Variants in HIPK2 observed in about 807,000 individuals in gnomAD.
The protein encoded by HIPK2 is homeodomain interacting protein kinase 2.
HIPK2 carries 27 observed loss-of-function variants against 113.7 expected under a neutral mutation model. The ratio of observed to expected loss-of-function variants is 0.24; its 90% confidence interval spans 0.17 to 0.33. HIPK2 has a LOEUF of 0.33. Among genes scored for constraint, HIPK2 ranks in the 10% least tolerant of loss-of-function variants. The pLI is 1.00. For synonymous variants in HIPK2, 631 were observed against 642.2 expected (o/e 0.98, Z 0.26); for missense variants, 1,257 against 1,588.0 (o/e 0.79, Z 3.54).
At chr7:139,625,342 T>C (rs1260416294) in intron 6 of HIPK2, among the ~76,000 whole-genome samples, 1 of 152,036 alleles carries the variant, frequency 6.6e-6, no homozygotes, top group Non-Finnish European at 1.5e-5. Flanking sequence ...AACTTGTGAG[T>C]TGTTAAACCG....
intron 2 of HIPK2, among the ~76,000 whole-genome samples, chr7:139,666,881 G>A (rs1802066432): frequency 6.6e-6 from 1 of 152,056 alleles, no homozygotes; most frequent in South Asian, 2.1e-4. Flanking sequence ...TGGCCAAAAT[G>A]GCGAAACCCG....
chr7:139,667,398 C>T (rs9769469), intron 2 of HIPK2, among the ~76,000 whole-genome samples: 58,683 of 152,008 alleles, frequency 0.39, 12,187 homozygotes, highest in East Asian at 0.54. Flanking sequence ...GGAATGAGAT[C>T]ATCAGGTAAA....
At position 139,600,559 on chromosome 7, in the gene HIPK2, T is replaced by C. The variant is rs1288206389; in HGVS notation, c.2293A>G (p.Met765Val). 11 of 1,613,954 alleles carry C rather than the reference T, an allele frequency of 6.8e-6. No individual in the cohort carries two copies. The highest frequency in any genetic ancestry group is 8.5e-6 in the Non-Finnish European group (10 of 1,179,870). ...HAHGSHYNPI[M>V]QQPALLTGHV... The stretch of plus-strand genomic sequence containing the variant: ...CCGGTCAATAGTGCAGGCTGCTGCA[T>C]GATGGGATTATAATGGCTTCCGTGA... The change falls in exon 11 of 15, where the codon ATG becomes GTG. Residue 765 changes from methionine to valine, a missense_variant. Met to Val is a conservative substitution (Grantham distance 21, BLOSUM62 1). This residue lies in a region of HIPK2 where 862 missense variants were observed against 1,004.3 expected (regional missense o/e 0.86). Transcript: ENST00000406875.
intron 8 of HIPK2, among the ~76,000 whole-genome samples, chr7:139,614,046 TC>T (rs1284599765): frequency 2.0e-5 from 3 of 152,160 alleles, no homozygotes. Context: ...AGGGACACAG[TC>T]CCTGGCAGGT....
intron 7 of HIPK2, among the ~76,000 whole-genome samples, chr7:139,618,903 C>T (rs1800146817): frequency 6.6e-6 from 1 of 152,170 alleles, no homozygotes; most frequent in African/African-American, 2.4e-5. Flanking sequence ...AAACAAATGT[C>T]TTCAAGGAGG....
chr7:139,758,395 T>A (rs969015074), intron 1 of HIPK2, among the ~76,000 whole-genome samples: 2 of 152,128 alleles, frequency 1.3e-5, no homozygotes, highest in African/African-American at 4.8e-5. Context: ...AAACAAATAA[T>A]GTTGGGACAA....
chr7:139,574,644 C>T (rs1042434551), intron 14 of HIPK2, among the ~76,000 whole-genome samples: 4 of 152,218 alleles, frequency 2.6e-5, no homozygotes, highest in Non-Finnish European at 4.4e-5. Flanking sequence ...CCCACAGAAA[C>T]TCAGGTCACT....
At chr7:139,753,760 C>T (rs1391318505) in intron 1 of HIPK2, among the ~76,000 whole-genome samples, 4 of 152,240 alleles carry the variant, frequency 2.6e-5, no homozygotes, top group East Asian at 1.9e-4. Context: ...GGCGTGCATA[C>T]ACACCAGCGG....
chr7:139,723,198 T>C (rs1263031392), intron 1 of HIPK2, among the ~76,000 whole-genome samples: 6 of 150,014 alleles, frequency 4.0e-5, no homozygotes, highest in Non-Finnish European at 7.4e-5. Flanking sequence ...TTTCTTCTTT[T>C]TTTTTTTTTT....
At chr7:139,687,974 C>T (rs1429323745) in intron 2 of HIPK2, among the ~76,000 whole-genome samples, 2 of 152,240 alleles carry the variant, frequency 1.3e-5, no homozygotes, top group African/African-American at 4.8e-5. Context: ...CCAAGATCTG[C>T]AAAGCTGTGC....
At chr7:139,605,307 T>G (rs1799583365) in intron 9 of HIPK2, among the ~76,000 whole-genome samples, 1 of 152,036 alleles carries the variant, frequency 6.6e-6, no homozygotes, top group Non-Finnish European at 1.5e-5. Flanking sequence ...ACTATTCTGC[T>G]TGTCTTTGGT....
chr7:139,588,764 C>T (rs1384463066), intron 12 of HIPK2, among the ~76,000 whole-genome samples: 2 of 151,906 alleles, frequency 1.3e-5, no homozygotes, highest in Non-Finnish European at 2.9e-5. Flanking sequence ...GGGATGAATG[C>T]GGGGGAGTAA....
At chr7:139,651,086 G>A (rs1801442439) in intron 2 of HIPK2, among the ~76,000 whole-genome samples, 1 of 152,248 alleles carries the variant, frequency 6.6e-6, no homozygotes, top group South Asian at 2.1e-4. Context: ...GGAGCACGCA[G>A]AGAAGCTCTG....
intron 12 of HIPK2, among the ~76,000 whole-genome samples, chr7:139,591,575 C>A (rs116344063): frequency 0.011 from 1,667 of 152,294 alleles, 36 homozygotes; most frequent in African/African-American, 0.038. Context: ...CAGCTGGGGA[C>A]AGTAGGGTGA....
At chr7:139,644,882 A>C (rs1801153859) in intron 2 of HIPK2, among the ~76,000 whole-genome samples, 1 of 152,216 alleles carries the variant, frequency 6.6e-6, no homozygotes, top group African/African-American at 2.4e-5. Context: ...GCTGGGGAAA[A>C]GGCTGGTCTC....
At chr7:139,585,379 G>T (rs566261348) in intron 12 of HIPK2, among the ~76,000 whole-genome samples, 2 of 152,322 alleles carry the variant, frequency 1.3e-5, no homozygotes, top group Admixed American at 6.5e-5. Flanking sequence ...TGGGGGATCT[G>T]GGGGGTGCAG....
chr7:139,597,269 T>C (rs1799256780), intron 11 of HIPK2, among the ~76,000 whole-genome samples: 1 of 152,162 alleles, frequency 6.6e-6, no homozygotes, highest in Non-Finnish European at 1.5e-5. Context: ...GGGGCTCTTG[T>C]GCCCCAGGCT....
At chr7:139,738,180 C>T (rs866880822) in intron 1 of HIPK2, among the ~76,000 whole-genome samples, 3 of 152,234 alleles carry the variant, frequency 2.0e-5, no homozygotes, top group Non-Finnish European at 2.9e-5. Flanking sequence ...AGAACTCCAC[C>T]GGGTCAACTG....
intron 9 of HIPK2, among the ~76,000 whole-genome samples, chr7:139,608,566 A>T (rs1799708605): frequency 6.6e-6 from 1 of 152,100 alleles, no homozygotes; most frequent in Admixed American, 6.6e-5. Context: ...TATAGCCAGT[A>T]AGTGGTGAGG....
Sources: gnomAD v4.1 joint callset for allele counts (sites outside exome capture counted in the v4.1 genomes callset) on GRCh38, gnomAD v4.1.1 for gene constraint, gnomAD v4.1.1 regional missense constraint, MANE v1.5 for transcripts, NCBI Gene and HGNC (gene_info 2026-07-23, HGNC 2026-07-21) for gene names.